The following DPP10 variants were observed in gnomAD, a reference collection of about 807,000 sequenced individuals.
DPP10 encodes dipeptidyl peptidase like 10.
A neutral mutation model predicts 120.9 loss-of-function variants in DPP10; 33 were observed. The observed-to-expected ratio is 0.27, with a 90% CI of 0.21 to 0.37. The LOEUF (loss-of-function observed/expected upper bound fraction) is 0.37, where lower values mean the gene tolerates loss of function less well. Ranked by LOEUF, DPP10 falls within the 10% of genes least tolerant of loss-of-function variation. The pLI, the probability that DPP10 is intolerant of heterozygous loss-of-function variation, is 1.00. For missense variants in DPP10, 816 were observed against 942.8 expected (o/e 0.87, Z 1.76); for synonymous variants, 337 against 326.1 (o/e 1.03, Z -0.36).
intron 5 of DPP10, among the ~76,000 whole-genome samples, chr2:115,668,518 A>T (rs1309570235): frequency 1.3e-5 from 2 of 152,186 alleles, no homozygotes; most frequent in East Asian, 3.9e-4. Flanking sequence ...TATTTGTTAT[A>T]AGTTATCCAG....
At chr2:114,808,035 G>C (rs184901660) in intron 1 of DPP10, among the ~76,000 whole-genome samples, 2 of 152,260 alleles carry the variant, frequency 1.3e-5, no homozygotes, top group South Asian at 4.1e-4. Flanking sequence ...CTTACAAGTG[G>C]CTCAATACTC....
At chr2:114,657,672 A>G (rs1189276810) in intron 1 of DPP10, among the ~76,000 whole-genome samples, 1 of 152,212 alleles carries the variant, frequency 6.6e-6, no homozygotes, top group South Asian at 2.1e-4. Context: ...TCTGTGGGTG[A>G]TATGTGAGGC....
rs567804099 is a variant in DPP10 at position 114,944,658 on chromosome 2, G to A, written c.61-364581G>A. On this transcript the variant is annotated intron_variant, in intron 1 of 25. Transcript: ENST00000410059. ...TCTGTTTCTATAGGAACCATATAAC[G>A]TAACAATGACTATCACTGAATGAGC... is the stretch of plus-strand genomic sequence containing the variant. 9.9e-5 allele frequency among the ~76,000 whole-genome samples: 15 copies of A among 152,202 alleles called. No homozygotes were observed. In the South Asian group the frequency reaches 1.5e-3, roughly 15 times the overall value.
intron 1 of DPP10, among the ~76,000 whole-genome samples, chr2:114,995,699 A>G (rs533213462): frequency 1.1e-4 from 17 of 152,118 alleles, no homozygotes; most frequent in Non-Finnish European, 2.1e-4. Flanking sequence ...GAGTGGGGGG[A>G]ACCAGCAAGT....
chr2:115,170,369 A>G (rs567342231), intron 1 of DPP10, among the ~76,000 whole-genome samples: 2 of 152,324 alleles, frequency 1.3e-5, no homozygotes, highest in African/African-American at 4.8e-5. Context: ...GACACAGAAT[A>G]GAAGATGAGG....
Position 115,840,797 on chromosome 2 carries a change from A to C in DPP10, c.2230A>C (p.Lys744Gln), listed in dbSNP as rs1690064728. ...HSAELIKHLI[K>Q]AGVNYTMQVY... ...AGCAGAATTAATCAAGCACCTAATAAAAGCTGGAGTGAATTATACTATGCA... is the reference window on the plus strand; with the variant it reads ...AGCAGAATTAATCAAGCACCTAATACAAGCTGGAGTGAATTATACTATGCA... Residue 744 changes from lysine to glutamine, a missense_variant, in exon 25 of 26, where the codon AAA (lysine) becomes CAA (glutamine). Lys to Gln is a moderately conservative substitution (Grantham distance 53). This residue lies in a region of DPP10 where 592 missense variants were observed against 649.0 expected (regional missense o/e 0.91). Coordinates refer to ENST00000410059, the MANE Select transcript of DPP10 (RefSeq NM_020868.6). The C allele has an allele frequency of 1.2e-6, 2 of 1,613,756 alleles. No individual in the cohort carries two copies. The highest frequency in any genetic ancestry group is 1.1e-5 in the South Asian group (1 of 91,052).
chr2:115,250,104 G>A (rs1440263318), intron 1 of DPP10, among the ~76,000 whole-genome samples: 1 of 151,860 alleles, frequency 6.6e-6, no homozygotes, highest in African/African-American at 2.4e-5. Context: ...CTCATTATCT[G>A]CTCATTGTCC....
intron 1 of DPP10, among the ~76,000 whole-genome samples, chr2:114,771,602 G>T (rs1324360819): frequency 6.6e-6 from 1 of 152,184 alleles, no homozygotes. Context: ...TATCTTTAGT[G>T]ATAGCACCCA....
intron 5 of DPP10, among the ~76,000 whole-genome samples, chr2:115,640,585 A>G (rs1192265149): frequency 3.3e-5 from 5 of 152,186 alleles, no homozygotes; most frequent in African/African-American, 4.8e-5. Context: ...TCATATTGGC[A>G]AAGTTATTTA....
chr2:115,288,149 G>A (rs546264882), intron 1 of DPP10, among the ~76,000 whole-genome samples: 1 of 152,108 alleles, frequency 6.6e-6, no homozygotes, highest in African/African-American at 2.4e-5. Flanking sequence ...GTAGGTAAGT[G>A]TTCCCTTTCT....
intron 1 of DPP10, among the ~76,000 whole-genome samples, chr2:115,085,317 T>C (rs1708602890): frequency 6.6e-6 from 1 of 152,198 alleles, no homozygotes; most frequent in African/African-American, 2.4e-5. Flanking sequence ...TGTATGTGTA[T>C]GTGTGAGCAC....
intron 5 of DPP10, among the ~76,000 whole-genome samples, chr2:115,565,860 G>A (rs1412636565): frequency 8.9e-5 from 13 of 146,738 alleles, no homozygotes; most frequent in Admixed American, 2.8e-4. Context: ...ATCTTGGCTC[G>A]TTGCAACCTC....
At chr2:115,633,477 T>C (rs1433453640) in intron 5 of DPP10, among the ~76,000 whole-genome samples, 6 of 152,096 alleles carry the variant, frequency 3.9e-5, no homozygotes, top group Non-Finnish European at 8.8e-5. Context: ...ATATACCTAA[T>C]GTAAATGACG....
chr2:115,135,865 T>C (rs1308453903), intron 1 of DPP10, among the ~76,000 whole-genome samples: 1 of 152,194 alleles, frequency 6.6e-6, no homozygotes, highest in Non-Finnish European at 1.5e-5. Context: ...TGGTTTGTGA[T>C]TCTCATGCCA....
chr2:115,150,263 G>A (rs2051462822), intron 1 of DPP10, among the ~76,000 whole-genome samples: 1 of 152,132 alleles, frequency 6.6e-6, no homozygotes, highest in Admixed American at 6.5e-5. Flanking sequence ...TAGCCTCACT[G>A]CTAATGCTGT....
chr2:115,244,121 A>G (rs115509605), intron 1 of DPP10, among the ~76,000 whole-genome samples: 12 of 150,698 alleles, frequency 8.0e-5, no homozygotes, highest in Non-Finnish European at 1.2e-4. Flanking sequence ...ATTTGAAATT[A>G]AAAAAAATCT....
intron 1 of DPP10, among the ~76,000 whole-genome samples, chr2:114,848,463 C>A (rs1688706755): frequency 6.6e-6 from 1 of 152,118 alleles, no homozygotes; most frequent in Non-Finnish European, 1.5e-5. Context: ...AAATTACATT[C>A]CCCTCGAGGA....
chr2:115,377,959 TGTA>T (rs1362103010), intron 3 of DPP10, among the ~76,000 whole-genome samples: 19 of 152,098 alleles, frequency 1.2e-4, no homozygotes, highest in Non-Finnish European at 2.4e-4. Context: ...ACTGTAGCCT[TGTA>T]GTATAGTTTG....
At chr2:114,938,362 T>C (rs2104547430) in intron 1 of DPP10, among the ~76,000 whole-genome samples, 1 of 152,240 alleles carries the variant, frequency 6.6e-6, no homozygotes, top group East Asian at 1.9e-4. Context: ...AATGCCACCA[T>C]AAATATTGGT....
Sources: allele counts gnomAD v4.1 joint callset (sites outside exome capture counted in the v4.1 genomes callset), GRCh38; gene constraint gnomAD v4.1.1; regional missense constraint gnomAD v4.1.1; transcripts MANE v1.5; gene names NCBI Gene and HGNC (gene_info 2026-07-23, HGNC 2026-07-21).